The following NDST4 variants were observed in gnomAD, a reference collection of about 807,000 sequenced individuals.
NDST4 encodes N-deacetylase and N-sulfotransferase 4.
A neutral mutation model predicts 100.8 loss-of-function variants in NDST4; 63 were observed. The ratio of observed to expected loss-of-function variants is 0.62; its 90% CI spans 0.51 to 0.77. The LOEUF (loss-of-function observed/expected upper bound fraction) is 0.77. Among genes scored for constraint, NDST4 ranks in the 30% least tolerant of loss-of-function variants. The probability of loss-of-function intolerance (pLI) is 0.00; values close to 1 mark genes in which losing one functional copy is unlikely to be tolerated. For synonymous variants in NDST4, 377 were observed against 361.8 expected, an observed-to-expected ratio of 1.04 and a Z score of -0.48; for missense variants, 943 against 1,018.4, an observed-to-expected ratio of 0.93 and a Z score of 1.01.
intron 6 of NDST4, among the ~76,000 whole-genome samples, chr4:114,907,907 T>C (rs1465661853): frequency 6.6e-6 from 1 of 152,172 alleles, no homozygotes; most frequent in Non-Finnish European, 1.5e-5. Flanking sequence ...GGTGTGAGAC[T>C]AACTAGAGTC....
intron 6 of NDST4, among the ~76,000 whole-genome samples, chr4:114,891,828 G>T (rs1724605574): frequency 6.6e-6 from 1 of 152,102 alleles, no homozygotes; most frequent in Non-Finnish European, 1.5e-5. Flanking sequence ...TTAACCTTGA[G>T]TTCCAGGTGT....
At chr4:114,849,462 T>C (rs1277889401) in intron 8 of NDST4, among the ~76,000 whole-genome samples, 1 of 152,140 alleles carries the variant, frequency 6.6e-6, no homozygotes, top group Non-Finnish European at 1.5e-5. Flanking sequence ...CAGCAGATAA[T>C]TGGCATTTTG....
chr4:114,867,196 A>G (rs573021621), intron 7 of NDST4, among the ~76,000 whole-genome samples: 91 of 152,222 alleles, frequency 6.0e-4, no homozygotes, highest in Non-Finnish European at 1.0e-3. Context: ...TCTCTGTGTC[A>G]GTATTCCTTC....
At chr4:115,111,175 T>A (rs1251828921) in intron 1 of NDST4, among the ~76,000 whole-genome samples, 1 of 151,986 alleles carries the variant, frequency 6.6e-6, no homozygotes, top group Non-Finnish European at 1.5e-5. Context: ...CATATGAACA[T>A]TTAACCTACT....
intron 1 of NDST4, among the ~76,000 whole-genome samples, chr4:115,078,719 T>TA (rs1304889849): frequency 1.3e-5 from 2 of 152,012 alleles, no homozygotes; most frequent in African/African-American, 4.8e-5. Flanking sequence ...TGGGTGCCTG[T>TA]AATCCCAACT....
intron 2 of NDST4, among the ~76,000 whole-genome samples, chr4:115,066,428 C>A (rs1043397895): frequency 1.3e-5 from 2 of 152,022 alleles, no homozygotes; most frequent in African/African-American, 2.4e-5. Flanking sequence ...AGATTACTTA[C>A]AATGATATTT....
At chr4:115,112,968 G>C (rs17047653) in intron 1 of NDST4, among the ~76,000 whole-genome samples, 11,178 of 151,928 alleles carry the variant, frequency 0.074, 518 homozygotes, top group African/African-American at 0.12. Flanking sequence ...CATTAGTACA[G>C]AGCATGCCTA....
At chr4:115,032,714 T>A (rs1171049185) in intron 2 of NDST4, among the ~76,000 whole-genome samples, 2 of 152,118 alleles carry the variant, frequency 1.3e-5, no homozygotes, top group African/African-American at 2.4e-5. Flanking sequence ...ATTACTGTCT[T>A]CTGACCAAAG....
chr4:115,046,079 C>T (rs1204784939), intron 2 of NDST4, among the ~76,000 whole-genome samples: 3 of 152,100 alleles, frequency 2.0e-5, no homozygotes, highest in African/African-American at 7.2e-5. Context: ...AGCGTTATTG[C>T]CCTGGTAGTT....
At chr4:115,069,960 T>C (rs1169164178) in intron 2 of NDST4, among the ~76,000 whole-genome samples, 3 of 152,162 alleles carry the variant, frequency 2.0e-5, no homozygotes, top group Admixed American at 6.5e-5. Context: ...GGAATGCTTA[T>C]ATACTATTGG....
intron 2 of NDST4, among the ~76,000 whole-genome samples, chr4:114,995,162 T>C (rs1727132459): frequency 6.6e-6 from 1 of 152,078 alleles, no homozygotes; most frequent in African/African-American, 2.4e-5. Flanking sequence ...TAGAAAGCTA[T>C]GCAGTTATAA....
intron 6 of NDST4, among the ~76,000 whole-genome samples, chr4:114,919,627 G>A (rs1370662532): frequency 1.3e-5 from 2 of 152,202 alleles, no homozygotes; most frequent in African/African-American, 4.8e-5. Context: ...AGAGAGGGCG[G>A]CAGAGGGCCA....
chr4:114,961,919 T>C (rs1348977920), intron 4 of NDST4, among the ~76,000 whole-genome samples: 1 of 152,054 alleles, frequency 6.6e-6, no homozygotes, highest in African/African-American at 2.4e-5. Context: ...TCTCTATTAA[T>C]AGAGTTTAAA....
At chr4:114,909,256 T>C (rs1725014183) in intron 6 of NDST4, among the ~76,000 whole-genome samples, 1 of 152,186 alleles carries the variant, frequency 6.6e-6, no homozygotes, top group Non-Finnish European at 1.5e-5. Context: ...ACGATGATGA[T>C]AGATAAAGCA....
At chr4:114,922,094 T>C (rs889938254) in intron 6 of NDST4, among the ~76,000 whole-genome samples, 23 of 152,220 alleles carry the variant, frequency 1.5e-4, no homozygotes, top group African/African-American at 5.5e-4. Flanking sequence ...CGGGTGATGG[T>C]CAGGCGGTTG....
chr4:114,904,526 AAAG>A (rs1440715051), intron 6 of NDST4, among the ~76,000 whole-genome samples: 1 of 151,954 alleles, frequency 6.6e-6, no homozygotes, highest in African/African-American at 2.4e-5. Flanking sequence ...CATAGAATAG[AAAG>A]AAGAATAAAA....
chr4:115,068,953 T>C (rs73848376), intron 2 of NDST4, among the ~76,000 whole-genome samples: 2,222 of 152,248 alleles, frequency 0.015, 51 homozygotes, highest in African/African-American at 0.049. Flanking sequence ...GTGTAATACA[T>C]TCCTTGAGGC....
At chr4:114,865,369 A>G (rs1037982982) in intron 7 of NDST4, among the ~76,000 whole-genome samples, 1 of 152,194 alleles carries the variant, frequency 6.6e-6, no homozygotes, top group African/African-American at 2.4e-5. Flanking sequence ...AGCCAGCTCT[A>G]TTTTTAAACT....
At chr4:114,963,288 T>C (rs1464206831) in intron 4 of NDST4, among the ~76,000 whole-genome samples, 1 of 152,140 alleles carries the variant, frequency 6.6e-6, no homozygotes, top group African/African-American at 2.4e-5. Context: ...TACAATGTGT[T>C]TGAACCTTAA....
Sources: gnomAD v4.1 joint callset for allele counts (sites outside exome capture counted in the v4.1 genomes callset) on GRCh38, gnomAD v4.1.1 for gene constraint, MANE v1.5 for transcripts, NCBI Gene and HGNC (gene_info 2026-07-23, HGNC 2026-07-21) for gene names.